The following CADM2 variants were observed in gnomAD, a reference collection of about 807,000 sequenced individuals.
CADM2 encodes immunoglobulin superfamily member 4D.
A neutral mutation model predicts 49.8 loss-of-function variants in CADM2; 12 were observed. The observed-to-expected ratio is 0.24, with a 90% CI of 0.15 to 0.39. CADM2 has a LOEUF of 0.39. CADM2 is among the 10% of genes least tolerant of loss of function. The pLI is 1.00. For synonymous variants in CADM2, 214 were observed against 175.4 expected, an observed-to-expected ratio of 1.22 and a Z score of -1.74; for missense variants, 378 against 492.3, an observed-to-expected ratio of 0.77 and a Z score of 2.20.
At chr3:85,421,117 A>AC (rs2036148562) in intron 1 of CADM2, among the ~76,000 whole-genome samples, 1 of 152,176 alleles carries the variant, frequency 6.6e-6, no homozygotes, top group Admixed American at 6.5e-5. Flanking sequence ...CTATAATGTG[A>AC]TTTTGAGAAA....
At chr3:85,184,529 G>A (rs2041008494) in intron 1 of CADM2, among the ~76,000 whole-genome samples, 1 of 152,094 alleles carries the variant, frequency 6.6e-6, no homozygotes, top group Middle Eastern at 3.4e-3. Context: ...ATAGTCATAG[G>A]CATTATATGT....
chr3:85,596,607 G>A (rs926621865), intron 1 of CADM2, among the ~76,000 whole-genome samples: 9 of 152,044 alleles, frequency 5.9e-5, no homozygotes, highest in Non-Finnish European at 1.3e-4. Context: ...CTTACCATGA[G>A]ATCTACCCTC....
At chr3:86,061,361 T>C (rs1157751005) in intron 8 of CADM2, among the ~76,000 whole-genome samples, 3 of 152,126 alleles carry the variant, frequency 2.0e-5, no homozygotes, top group Non-Finnish European at 4.4e-5. Context: ...ATCACTCATA[T>C]AGACTAGAAT....
chr3:85,872,604 G>T (rs1453021053), intron 3 of CADM2, among the ~76,000 whole-genome samples: 2 of 150,856 alleles, frequency 1.3e-5, no homozygotes, highest in East Asian at 3.9e-4. Flanking sequence ...TTGGCTTTTT[G>T]TCCTATTCCA....
intron 1 of CADM2, among the ~76,000 whole-genome samples, chr3:85,683,602 T>C (rs555611074): frequency 6.6e-6 from 1 of 152,322 alleles, no homozygotes; most frequent in Admixed American, 6.5e-5. Flanking sequence ...TTATTCTTAG[T>C]AATGCTGAAT....
chr3:85,971,429 C>T (rs1726120580), intron 8 of CADM2, among the ~76,000 whole-genome samples: 1 of 151,640 alleles, frequency 6.6e-6, no homozygotes, highest in African/African-American at 2.4e-5. Flanking sequence ...TGCAAAATGG[C>T]TCTCAGCTAC....
At chr3:85,985,778 T>G (rs1209910765) in intron 8 of CADM2, among the ~76,000 whole-genome samples, 3 of 149,736 alleles carry the variant, frequency 2.0e-5, no homozygotes, top group South Asian at 2.1e-4. Context: ...TCTTAGTGAC[T>G]TGTAAAAAAA....
At chr3:85,636,742 T>A (rs1354103266) in intron 1 of CADM2, among the ~76,000 whole-genome samples, 1 of 152,218 alleles carries the variant, frequency 6.6e-6, no homozygotes, top group East Asian at 1.9e-4. Flanking sequence ...ACCTTTTCTG[T>A]TTTGATATTT....
chr3:85,926,220 G>T (rs1292959893), intron 6 of CADM2, among the ~76,000 whole-genome samples: 1 of 151,906 alleles, frequency 6.6e-6, no homozygotes, highest in African/African-American at 2.4e-5. Context: ...TTAAAGAAAA[G>T]TATTATTGAC....
At chr3:85,805,928 G>A (rs537861854) in intron 3 of CADM2, among the ~76,000 whole-genome samples, 1 of 152,180 alleles carries the variant, frequency 6.6e-6, no homozygotes, top group Non-Finnish European at 1.5e-5. Context: ...GTCTCAGATT[G>A]TGCTTCCAGT....
intron 8 of CADM2, among the ~76,000 whole-genome samples, chr3:86,008,084 C>A (rs1310173371): frequency 3.3e-5 from 5 of 152,062 alleles, no homozygotes; most frequent in African/African-American, 1.2e-4. Flanking sequence ...CCACAGCATT[C>A]TCAAATATCA....
intron 1 of CADM2, among the ~76,000 whole-genome samples, chr3:85,287,809 C>A (rs1032965612): frequency 6.6e-6 from 1 of 152,032 alleles, no homozygotes; most frequent in Non-Finnish European, 1.5e-5. Context: ...AAGAGTCAAT[C>A]AGTTGTAGCT....
intron 1 of CADM2, among the ~76,000 whole-genome samples, chr3:85,572,146 A>T (rs545357087): frequency 6.6e-6 from 1 of 152,112 alleles, no homozygotes; most frequent in South Asian, 2.1e-4. Context: ...AAAATATAAA[A>T]ATTAGCCGGG....
intron 1 of CADM2, among the ~76,000 whole-genome samples, chr3:85,000,886 T>A (rs981699946): frequency 6.6e-6 from 1 of 152,060 alleles, no homozygotes; most frequent in Non-Finnish European, 1.5e-5. Context: ...TCTGGTGACA[T>A]TATCAATAAG....
At chr3:85,940,346 A>G (rs1053318873) in intron 7 of CADM2, among the ~76,000 whole-genome samples, 2 of 151,994 alleles carry the variant, frequency 1.3e-5, no homozygotes, top group East Asian at 3.9e-4. Context: ...TCCAAAAAAA[A>G]TTACAGCAAA....
At chr3:86,004,578 C>A (rs996650949) in intron 8 of CADM2, among the ~76,000 whole-genome samples, 1 of 152,130 alleles carries the variant, frequency 6.6e-6, no homozygotes, top group African/African-American at 2.4e-5. Flanking sequence ...TAACATTTCC[C>A]GGGCTTTTAG....
chr3:85,865,883 T>G (rs190485614), intron 3 of CADM2, among the ~76,000 whole-genome samples: 1 of 152,254 alleles, frequency 6.6e-6, no homozygotes, highest in Admixed American at 6.5e-5. Flanking sequence ...TTTCAAGAAA[T>G]ATGACATTTC....
At chr3:85,090,762 A>T (rs1320737222) in intron 1 of CADM2, among the ~76,000 whole-genome samples, 1 of 152,202 alleles carries the variant, frequency 6.6e-6, no homozygotes, top group East Asian at 1.9e-4. Context: ...TTCTCATAGA[A>T]GTGCAAACCC....
chr3:84,996,421 T>C (rs771496688), intron 1 of CADM2, among the ~76,000 whole-genome samples: 2 of 152,112 alleles, frequency 1.3e-5, no homozygotes, highest in Non-Finnish European at 2.9e-5. Flanking sequence ...TTTATTATGG[T>C]GTATACTCTA....
Sources: gnomAD v4.1 joint callset for allele counts (sites outside exome capture counted in the v4.1 genomes callset) on GRCh38, gnomAD v4.1.1 for gene constraint, MANE v1.5 for transcripts, NCBI Gene and HGNC (gene_info 2026-07-23, HGNC 2026-07-21) for gene names.